KCNIP1: variants seen among roughly 807,000 people sequenced by gnomAD.
KCNIP1 encodes A-type potassium channel modulatory protein KCNIP1.
In KCNIP1, 18 loss-of-function variants were observed where a neutral mutation model predicts 33.0. The observed-to-expected ratio is 0.55, with a 90% confidence interval of 0.38 to 0.81. The LOEUF (loss-of-function observed/expected upper bound fraction) is 0.81. KCNIP1 is among the 30% of genes least tolerant of loss of function. The probability of loss-of-function intolerance (pLI) is 0.00; values close to 1 mark genes in which losing one functional copy is unlikely to be tolerated. For missense variants in KCNIP1, 238 were observed against 271.6 expected (o/e 0.88, Z 0.87); for synonymous variants, 93 against 98.3 (o/e 0.95, Z 0.32).
chr5:170,358,175 C>A (rs1156462161), intron 1 of KCNIP1, among the ~76,000 whole-genome samples: 5 of 152,090 alleles, frequency 3.3e-5, no homozygotes, highest in African/African-American at 4.8e-5. Context: ...CAAATGTTAC[C>A]CCAGGCACAG....
intron 1 of KCNIP1, chr5:170,420,466 G>A (rs897126270): frequency 2.7e-5 from 4 of 150,256 alleles, no homozygotes; most frequent in South Asian, 2.1e-4. Context: ...CTGGGAGGCC[G>A]AGTTTGCAGT....
chr5:170,696,295 G>T (rs1762890846), intron 1 of KCNIP1, among the ~76,000 whole-genome samples: 1 of 152,192 alleles, frequency 6.6e-6, no homozygotes, highest in African/African-American at 2.4e-5. Context: ...AACAGAGGAT[G>T]GGCCTGACTT....
intron 1 of KCNIP1, among the ~76,000 whole-genome samples, chr5:170,482,284 C>A (rs932978126): frequency 1.3e-5 from 2 of 152,122 alleles, no homozygotes; most frequent in African/African-American, 4.8e-5. Context: ...CATCTACCAT[C>A]AAGTTCATAT....
intron 1 of KCNIP1, among the ~76,000 whole-genome samples, chr5:170,388,402 A>G (rs1180020011): frequency 2.0e-5 from 3 of 152,250 alleles, no homozygotes; most frequent in African/African-American, 4.8e-5. Flanking sequence ...AGGGACAGAA[A>G]GAAAAGGAAG....
upstream of KCNIP1, among the ~76,000 whole-genome samples, chr5:170,502,007 G>A (rs1757422785): frequency 6.6e-6 from 1 of 152,224 alleles, no homozygotes; most frequent in Non-Finnish European, 1.5e-5. Context: ...ACCCCCAGCA[G>A]GTCTTTCTGG....
intron 1 of KCNIP1, chr5:170,561,261 A>T (rs1327014344): frequency 2.6e-6 from 1 of 382,700 alleles, no homozygotes; most frequent in Non-Finnish European, 5.3e-6. Context: ...GCATCCTCAG[A>T]TGAGACCGCC....
At chr5:170,497,320 A>G (rs568895874) in intron 1 of KCNIP1, among the ~76,000 whole-genome samples, 1 of 152,330 alleles carries the variant, frequency 6.6e-6, no homozygotes, top group East Asian at 1.9e-4. Flanking sequence ...CAACCCTAAG[A>G]CATAGGCGTA....
intron 1 of KCNIP1, among the ~76,000 whole-genome samples, chr5:170,591,588 C>G (rs571831895): frequency 2.6e-5 from 4 of 152,286 alleles, no homozygotes; most frequent in African/African-American, 9.6e-5. Context: ...AACTCTGTAC[C>G]CATTAAACGA....
chr5:170,556,715 A>G (rs890148977), intron 1 of KCNIP1, among the ~76,000 whole-genome samples: 33 of 152,356 alleles, frequency 2.2e-4, no homozygotes, highest in Admixed American at 5.9e-4. Context: ...CCATCTGCAG[A>G]TAGCTCATTT....
At chr5:170,631,009 C>T (rs532392842) in intron 1 of KCNIP1, among the ~76,000 whole-genome samples, 2 of 152,122 alleles carry the variant, frequency 1.3e-5, no homozygotes, top group African/African-American at 4.8e-5. Flanking sequence ...AATAAGGGTA[C>T]GAGGCTTGAG....
At chr5:170,426,720 C>A (rs1316367198) in intron 1 of KCNIP1, among the ~76,000 whole-genome samples, 1 of 152,252 alleles carries the variant, frequency 6.6e-6, no homozygotes, top group South Asian at 2.1e-4. Context: ...AGGAACAGTT[C>A]ACACTCCACC....
At chr5:170,588,428 C>A (rs1758075762) in intron 1 of KCNIP1, among the ~76,000 whole-genome samples, 1 of 152,218 alleles carries the variant, frequency 6.6e-6, no homozygotes, top group Admixed American at 6.5e-5. Flanking sequence ...TCCTATTTCC[C>A]TACTGGATTA....
chr5:170,481,584 A>G (rs1181551817), intron 1 of KCNIP1, among the ~76,000 whole-genome samples: 4 of 152,210 alleles, frequency 2.6e-5, no homozygotes, highest in Non-Finnish European at 5.9e-5. Context: ...TCCAAGCTAT[A>G]TGTTACACCT....
intron 1 of KCNIP1, among the ~76,000 whole-genome samples, chr5:170,629,385 C>G (rs751539779): frequency 1.3e-5 from 2 of 152,198 alleles, no homozygotes. Flanking sequence ...CCAAGGGACT[C>G]CTCCCCCAGG....
intron 1 of KCNIP1, among the ~76,000 whole-genome samples, chr5:170,402,282 G>A (rs1313886624): frequency 1.3e-5 from 2 of 152,146 alleles, no homozygotes; most frequent in Non-Finnish European, 2.9e-5. Context: ...TATCTTTTGT[G>A]GGGACCCCAT....
intron 1 of KCNIP1, among the ~76,000 whole-genome samples, chr5:170,493,169 C>G (rs955562036): frequency 1.3e-5 from 2 of 152,218 alleles, no homozygotes; most frequent in Non-Finnish European, 2.9e-5. Flanking sequence ...TGTTTACTAT[C>G]TGTATCTGTA....
At chr5:170,515,440 T>C (rs1561661887) in intron 1 of KCNIP1, among the ~76,000 whole-genome samples, 1 of 152,212 alleles carries the variant, frequency 6.6e-6, no homozygotes, top group African/African-American at 2.4e-5. Context: ...TGCCTTCCCC[T>C]GAAGAAGAAG....
intron 1 of KCNIP1, among the ~76,000 whole-genome samples, chr5:170,582,888 T>C (rs1271917236): frequency 6.6e-6 from 1 of 152,206 alleles, no homozygotes; most frequent in Non-Finnish European, 1.5e-5. Context: ...GCAAACTGCC[T>C]CCTGAGCCTG....
intron 1 of KCNIP1, among the ~76,000 whole-genome samples, chr5:170,564,907 G>T (rs1757154153): frequency 6.6e-6 from 1 of 151,996 alleles, no homozygotes; most frequent in Non-Finnish European, 1.5e-5. Context: ...AGAAACTGAG[G>T]CTCAGTGAGA....
Sources: gnomAD v4.1 joint callset for allele counts (sites outside exome capture counted in the v4.1 genomes callset) on GRCh38, gnomAD v4.1.1 for gene constraint, MANE v1.5 for transcripts, NCBI Gene and HGNC (gene_info 2026-07-23, HGNC 2026-07-21) for gene names.